C2CD3: variants seen among roughly 807,000 people sequenced by gnomAD.
C2CD3 encodes C2 domain containing 3 centriole elongation regulator, also known as C2 domain-containing protein 3.
Under a neutral mutation model 234.0 loss-of-function variants are expected in C2CD3, and 148 were observed. The observed-to-expected ratio is 0.63, with a 90% confidence interval of 0.55 to 0.72. The LOEUF is 0.72. Ranked by LOEUF, C2CD3 falls within the 30% of genes least tolerant of loss-of-function variation. The pLI, the probability that C2CD3 is intolerant of heterozygous loss-of-function variation, is 0.00. For synonymous variants in C2CD3, 1,000 were observed against 1,035.4 expected, an observed-to-expected ratio of 0.97 and a Z score of 0.66; for missense variants, 2,577 against 2,811.5, an observed-to-expected ratio of 0.92 and a Z score of 1.89.
intron 24 of C2CD3, among the ~76,000 whole-genome samples, chr11:74,066,742 T>C (rs933607513): frequency 6.6e-6 from 1 of 152,124 alleles, no homozygotes; most frequent in African/African-American, 2.4e-5. Context: ...CTTAAGAGAC[T>C]GCAGAGACAG....
At chr11:74,106,563 C>T in intron 12 of C2CD3, 70 bp from the exon 13 acceptor site, 3 of 1,433,576 alleles carry the variant, frequency 2.1e-6, no homozygotes, top group South Asian at 1.2e-5. Context: ...ATTAAAGTGA[C>T]AACATATGAT....
chr11:74,106,931 A>G (rs182379773), intron 12 of C2CD3, among the ~76,000 whole-genome samples: 3 of 152,352 alleles, frequency 2.0e-5, no homozygotes, highest in East Asian at 3.9e-4. Flanking sequence ...AACTGGCAAT[A>G]TGCTTTTGGA....
chr11:74,044,799 C>T (rs748090855), intron 28 of C2CD3, among the ~76,000 whole-genome samples: 1 of 151,938 alleles, frequency 6.6e-6, no homozygotes, highest in Non-Finnish European at 1.5e-5. Context: ...TAAGAGAGAA[C>T]ATGTGGTATT....
At chr11:74,055,384 TA>T (rs1953907213) in intron 25 of C2CD3, among the ~76,000 whole-genome samples, 1 of 150,996 alleles carries the variant, frequency 6.6e-6, no homozygotes, top group Admixed American at 6.6e-5. Context: ...ATATATTACA[TA>T]AATTACAGTT....
chr11:74,088,218 A>G (rs1955732166), intron 20 of C2CD3, among the ~76,000 whole-genome samples: 1 of 152,232 alleles, frequency 6.6e-6, no homozygotes, highest in Admixed American at 6.5e-5. Context: ...AGTTTATAAA[A>G]TGACTTCATA....
At chr11:74,019,781 A>G (rs1393383160) in intron 32 of C2CD3, among the ~76,000 whole-genome samples, 3 of 152,088 alleles carry the variant, frequency 2.0e-5, no homozygotes, top group East Asian at 1.9e-4. Flanking sequence ...GGTTCAAGTG[A>G]TTCTCATGCC....
At chr11:74,063,291 A>G (rs1954338873) in intron 24 of C2CD3, among the ~76,000 whole-genome samples, 1 of 152,248 alleles carries the variant, frequency 6.6e-6, no homozygotes. Flanking sequence ...GGCCAACATC[A>G]TACTGATACC....
At chr11:74,060,170 C>CTA (rs1282001675) in intron 24 of C2CD3, among the ~76,000 whole-genome samples, 2 of 152,224 alleles carry the variant, frequency 1.3e-5, no homozygotes, top group Non-Finnish European at 2.9e-5. Context: ...TTGCCTGCCT[C>CTA]TGTAGACTCC....
rs1326062105 is a variant in C2CD3 at position 74,170,952 on chromosome 11, G to C, written c.-160C>G. 2.0e-6 allele frequency: 3 copies of C among 1,483,322 alleles called. No homozygotes were observed. The South Asian group carries it at 3.8e-5, about 19-fold the overall frequency. 91.9% of individuals were successfully genotyped at this position (1,483,322 alleles called of 1,614,324 possible). A position where few individuals can be genotyped will look rare whatever the true frequency, so the allele number is the denominator to read the frequency against. ...GCGACTCTTCCTCTAACAGTCTCCG[G>C]AAAACGGTGCGAAGAGAAGGCGCCA... On this transcript the variant is annotated 5_prime_UTR_variant, in exon 1 of 33. Coordinates refer to ENST00000334126, the MANE Select transcript of C2CD3 (RefSeq NM_001286577.2).
chr11:74,156,216 G>A (rs1035582948), intron 3 of C2CD3, among the ~76,000 whole-genome samples: 14 of 151,914 alleles, frequency 9.2e-5, no homozygotes, highest in Non-Finnish European at 2.9e-5. Flanking sequence ...GGAGGTTGCA[G>A]TGAGCTGAGA....
At chr11:74,106,284 T>C (rs902072259) in intron 13 of C2CD3, 87 bp downstream of exon 13, 7 of 1,341,074 alleles carry the variant, frequency 5.2e-6, no homozygotes, top group Non-Finnish European at 7.3e-6. Context: ...AGACCTTGCT[T>C]TTCTTGTTCA....
In C2CD3 at chr11:74,074,372, T is replaced by C. The variant is rs1406236021; in HGVS notation, c.4832A>G (p.Gln1611Arg). The change falls in exon 24 of 33, where the codon CAG (glutamine) becomes CGG (arginine). Residue 1611 changes from glutamine to arginine, a missense_variant. Gln to Arg is a conservative substitution (Grantham distance 43, BLOSUM62 1). Coordinates refer to ENST00000334126, the MANE Select transcript of C2CD3 (RefSeq NM_001286577.2). The stretch of plus-strand genomic sequence containing the variant: ...AGCTGTGGTGCTGCTGCAGGGGACC[T>C]GGGTGGAGGCAGGAGACTTCTGGTG... ...SCHQKSPAST[Q>R]VPCSSTTAEV... 1.2e-6 allele frequency: 2 copies of C among 1,614,170 alleles called. No homozygotes were observed. The highest frequency in any genetic ancestry group is 1.7e-6 in the Non-Finnish European group (2 of 1,180,012).
chr11:74,046,336 A>G (rs1953371251), intron 28 of C2CD3, among the ~76,000 whole-genome samples: 1 of 152,162 alleles, frequency 6.6e-6, no homozygotes, highest in South Asian at 2.1e-4. Flanking sequence ...ATGGAATCAT[A>G]TACAAGGTAC....
chr11:74,168,725 T>G, intron 1 of C2CD3, 112 bp from the exon 2 acceptor site: 1 of 911,972 alleles, frequency 1.1e-6, no homozygotes. Flanking sequence ...GTTCAGCAAT[T>G]TATCACCACT....
chr11:74,128,867 G>C (rs1423578142), intron 7 of C2CD3: 2 of 272,250 alleles, frequency 7.3e-6, no homozygotes, highest in African/African-American at 2.3e-5. Context: ...TGGGGATAAG[G>C]TCATAGATCA....
intron 16 of C2CD3, 120 bp from the exon 17 acceptor site, chr11:74,095,528 T>C (rs1432074928): frequency 2.4e-5 from 16 of 662,262 alleles, no homozygotes; most frequent in African/African-American, 3.7e-5. Flanking sequence ...GATACTAAAA[T>C]AGACACTTAA....
At chr11:74,123,962 C>T (rs1957313460) in intron 7 of C2CD3, among the ~76,000 whole-genome samples, 1 of 152,086 alleles carries the variant, frequency 6.6e-6, no homozygotes, top group Admixed American at 6.6e-5. Flanking sequence ...TCTCTAACTC[C>T]TTAGGTGATC....
chr11:74,118,934 G>T (rs932451364), intron 8 of C2CD3, among the ~76,000 whole-genome samples: 2 of 148,760 alleles, frequency 1.3e-5, no homozygotes, highest in African/African-American at 5.0e-5. Flanking sequence ...TTGAGACAGG[G>T]TCTCACCGTG....
intron 3 of C2CD3, among the ~76,000 whole-genome samples, chr11:74,140,116 GGATTGTAAGGAATGTCCCCCATTCCCTAC>G: frequency 1.3e-5 from 2 of 149,604 alleles, no homozygotes; most frequent in African/African-American, 2.5e-5. Flanking sequence ...ATTCCCTACA[GGATTGTAAGGAATGTCCCCCATTCCCTAC>G]AGGATTGTAA....
Sources: allele counts gnomAD v4.1 joint callset (sites outside exome capture counted in the v4.1 genomes callset), GRCh38; gene constraint gnomAD v4.1.1; transcripts MANE v1.5; gene names NCBI Gene and HGNC (gene_info 2026-07-23, HGNC 2026-07-21).